DYM: variants seen among roughly 807,000 people sequenced by gnomAD.
DYM encodes dyggve-Melchior-Clausen syndrome protein.
In DYM, 78 loss-of-function variants were observed where a neutral mutation model predicts 93.1. The ratio of observed to expected loss-of-function variants is 0.84; its 90% CI spans 0.70 to 1.01. The LOEUF is 1.01. Among genes scored for constraint, DYM ranks in the 50% least tolerant of loss-of-function variants. The pLI is 0.00. For synonymous variants in DYM, 321 were observed against 319.7 expected (o/e 1.00, Z -0.04); for missense variants, 789 against 845.0 (o/e 0.93, Z 0.82).
intron 6 of DYM, among the ~76,000 whole-genome samples, chr18:49,341,605 T>C (rs2064153780): frequency 6.7e-6 from 1 of 149,614 alleles, no homozygotes; most frequent in Admixed American, 6.8e-5. Flanking sequence ...GAAAGAAGAG[T>C]GGCCATGAGT....
chr18:49,133,327 T>C (rs1342396580), intron 15 of DYM, among the ~76,000 whole-genome samples: 2 of 152,128 alleles, frequency 1.3e-5, no homozygotes, highest in Non-Finnish European at 2.9e-5. Context: ...AACAAAAAAT[T>C]TTCAAAATTT....
chr18:49,337,754 T>C (rs927195099), intron 6 of DYM, among the ~76,000 whole-genome samples: 3 of 152,144 alleles, frequency 2.0e-5, no homozygotes, highest in Admixed American at 6.5e-5. Flanking sequence ...ATATGAACTA[T>C]CTGTATTAGG....
intron 16 of DYM, among the ~76,000 whole-genome samples, chr18:49,104,119 A>T (rs1478027718): frequency 6.6e-6 from 1 of 151,910 alleles, no homozygotes; most frequent in Non-Finnish European, 1.5e-5. Flanking sequence ...CCTTGAAGAG[A>T]TCCTTCACAT....
At chr18:49,077,647 T>C (rs2077420749) in intron 17 of DYM, among the ~76,000 whole-genome samples, 1 of 152,224 alleles carries the variant, frequency 6.6e-6, no homozygotes, top group African/African-American at 2.4e-5. Context: ...TATTGAAGCT[T>C]TGCTATTGGC....
Position 49,271,773 on chromosome 18 carries a change from CT to C in DYM, c.1251+404del, listed in dbSNP as rs747689965. ...TTAAAAAGTTAAATTATGTTATGTT[CT>C]TTAAAAATATATATATAAAACAATG... On this transcript the variant is annotated intron_variant, in intron 11 of 17. Transcript: ENST00000675505. Among the ~76,000 whole-genome samples, 36 of 152,004 alleles carry C rather than the reference CT, an allele frequency of 2.4e-4. 1 individual carries two copies. The East Asian group carries it at 4.4e-3, about 19-fold the overall frequency.
intron 6 of DYM, among the ~76,000 whole-genome samples, chr18:49,346,742 A>C (rs1257356703): frequency 3.3e-5 from 5 of 152,188 alleles, no homozygotes; most frequent in Non-Finnish European, 2.9e-5. Flanking sequence ...AAAAAGAATA[A>C]AGTTCAAAAC....
At chr18:49,079,579 A>G (rs1279353990) in intron 17 of DYM, among the ~76,000 whole-genome samples, 1 of 151,692 alleles carries the variant, frequency 6.6e-6, no homozygotes, top group African/African-American at 2.4e-5. Context: ...GTCCCTGGGT[A>G]CTTGAGATTA....
Position 49,258,483 on chromosome 18 carries a change from T to A in DYM, c.1262A>T (p.Asn421Ile). Reference protein sequence around the residue: ...NRSIHEVILKNITWYSERVLT... With the variant: ...NRSIHEVILKIITWYSERVLT... ...AACTCGTTCTGAATACCAAGTAATA[T>A]TTTTTAGTATCTGTAATGGGGAAGA... is the stretch of plus-strand genomic sequence containing the variant. The change falls in exon 12 of 18, where the codon AAT (asparagine) becomes ATT (isoleucine). Residue 421 changes from asparagine (N) to isoleucine (I), a missense_variant. By Grantham distance (149) the Asn-to-Ile change is moderately radical. This residue lies in a region of DYM where 225 missense variants were observed against 303.0 expected (regional missense o/e 0.74). Coordinates refer to ENST00000675505, the MANE Select transcript of DYM (RefSeq NM_001353214.3). The A allele has an allele frequency of 6.3e-7, 1 of 1,594,624 alleles. No homozygotes were observed. The highest frequency in any genetic ancestry group is 8.6e-7 in the Non-Finnish European group (1 of 1,162,480).
chr18:49,224,405 C>T (rs1274838685), intron 13 of DYM, among the ~76,000 whole-genome samples: 1 of 151,900 alleles, frequency 6.6e-6, no homozygotes, highest in Non-Finnish European at 1.5e-5. Flanking sequence ...ATGGGAGTGG[C>T]TACAATCACC....
chr18:49,238,132 C>G (rs2093927567), intron 13 of DYM, among the ~76,000 whole-genome samples: 1 of 152,068 alleles, frequency 6.6e-6, no homozygotes, highest in African/African-American at 2.4e-5. Flanking sequence ...GGAGTTGTAC[C>G]AATTTACACT....
At chr18:49,313,790 T>C (rs1035867751) in intron 8 of DYM, among the ~76,000 whole-genome samples, 1 of 152,088 alleles carries the variant, frequency 6.6e-6, no homozygotes, top group Non-Finnish European at 1.5e-5. Flanking sequence ...TCTGGTAACA[T>C]CTTTTTGGTG....
chr18:49,354,530 A>C (rs745998411), intron 6 of DYM, among the ~76,000 whole-genome samples: 1 of 152,132 alleles, frequency 6.6e-6, no homozygotes, highest in African/African-American at 2.4e-5. Flanking sequence ...AAACACTTGC[A>C]GAAGACATAT....
chr18:49,164,281 G>A (rs1334659063), intron 14 of DYM, among the ~76,000 whole-genome samples: 1 of 151,946 alleles, frequency 6.6e-6, no homozygotes, highest in African/African-American at 2.4e-5. Context: ...TTCTGCTTCT[G>A]GCCATGACAG....
intron 17 of DYM, among the ~76,000 whole-genome samples, chr18:49,092,516 C>T (rs1490399057): frequency 3.3e-5 from 5 of 152,344 alleles, no homozygotes; most frequent in African/African-American, 1.2e-4. Context: ...GGGTGCCTTT[C>T]TCTCCTGAAA....
intron 5 of DYM, among the ~76,000 whole-genome samples, chr18:49,369,715 T>C (rs1180071770): frequency 6.6e-6 from 1 of 151,856 alleles, no homozygotes; most frequent in African/African-American, 2.4e-5. Flanking sequence ...CTACTATGCT[T>C]GAGAATAAGT....
At chr18:49,188,464 A>T (rs1348156859) in intron 14 of DYM, among the ~76,000 whole-genome samples, 1 of 152,204 alleles carries the variant, frequency 6.6e-6, no homozygotes, top group Non-Finnish European at 1.5e-5. Context: ...CATAAATGAA[A>T]AGTTCCTCTT....
Position 49,237,687 on chromosome 18 carries a change from G to A in DYM, c.1460+19323C>T, listed in dbSNP as rs116492584. Among the ~76,000 whole-genome samples, 593 of 152,190 alleles carry A rather than the reference G, an allele frequency of 3.9e-3. 3 individuals are homozygous for A. Among genetic ancestry groups the A allele is most frequent in the African/African-American group, 0.014 (576 of 41,538 alleles). ...GGTGCTTACATGGTAAGAGATGAGA[G>A]GAAAAACATACACAGTGAAAAGGCT... On this transcript the variant is annotated intron_variant, in intron 13 of 17. Transcript: ENST00000675505.
intron 16 of DYM, among the ~76,000 whole-genome samples, chr18:49,113,141 CAA>C (rs2081583005): frequency 6.6e-6 from 1 of 152,118 alleles, no homozygotes; most frequent in South Asian, 2.1e-4. Flanking sequence ...GTGGGACTGT[CAA>C]GTCAGTAGCC....
intron 17 of DYM, among the ~76,000 whole-genome samples, chr18:49,063,230 G>T (rs1407695500): frequency 1.3e-5 from 2 of 151,960 alleles, no homozygotes; most frequent in African/African-American, 4.8e-5. Context: ...GGTCTGTCCA[G>T]GGAGAAACCA....
Sources: gnomAD v4.1 joint callset for allele counts (sites outside exome capture counted in the v4.1 genomes callset) on GRCh38, gnomAD v4.1.1 for gene constraint, gnomAD v4.1.1 regional missense constraint, MANE v1.5 for transcripts, NCBI Gene and HGNC (gene_info 2026-07-23, HGNC 2026-07-21) for gene names.